Variants in CCDC192 observed in about 807,000 individuals in gnomAD.
CCDC192 encodes coiled-coil domain-containing protein 192.
chr5:127,711,950 A>T (rs1190411435), intron 2 of CCDC192, among the ~76,000 whole-genome samples: 1 of 152,090 alleles, frequency 6.6e-6, no homozygotes, highest in Non-Finnish European at 1.5e-5. Flanking sequence ...TTTTGATACC[A>T]TGTGAAGCTA....
chr5:127,923,197 C>T (rs1249682059), intron 6 of CCDC192, among the ~76,000 whole-genome samples: 1 of 152,182 alleles, frequency 6.6e-6, no homozygotes, highest in African/African-American at 2.4e-5. Context: ...GTAAATGATA[C>T]ACTATTATTG....
chr5:127,868,653 G>A (rs1236120763), intron 5 of CCDC192, among the ~76,000 whole-genome samples: 1 of 152,176 alleles, frequency 6.6e-6, no homozygotes, highest in African/African-American at 2.4e-5. Flanking sequence ...GGAGGCCAAG[G>A]CAGGCAGATC....
intron 6 of CCDC192, among the ~76,000 whole-genome samples, chr5:127,938,204 AG>A (rs1445529580): frequency 5.9e-5 from 9 of 152,176 alleles, no homozygotes; most frequent in African/African-American, 2.2e-4. Flanking sequence ...CGGATACAAA[AG>A]CCTGCTACCT....
intron 5 of CCDC192, among the ~76,000 whole-genome samples, chr5:127,875,063 G>A (rs751279563): frequency 6.6e-6 from 1 of 152,088 alleles, no homozygotes; most frequent in African/African-American, 2.4e-5. Context: ...AAACACCAGC[G>A]TTTGGTGGTC....
intron 3 of CCDC192, among the ~76,000 whole-genome samples, chr5:127,754,618 T>C (rs1304656283): frequency 6.6e-6 from 1 of 152,168 alleles, no homozygotes; most frequent in Non-Finnish European, 1.5e-5. Context: ...TTAAAACTTT[T>C]TTCATCTTTA....
chr5:127,784,485 G>T, intron 3 of CCDC192: 1 of 339,246 alleles, frequency 2.9e-6, no homozygotes. Flanking sequence ...GCTGATGGGA[G>T]TCTTGGTCTC....
At chr5:127,899,561 CAA>C (rs10537626) in intron 6 of CCDC192, among the ~76,000 whole-genome samples, 35,225 of 137,236 alleles carry the variant, frequency 0.26, 4,216 homozygotes, top group East Asian at 0.33. Context: ...CACACTGCAC[CAA>C]AAAAAAAAAA....
intron 6 of CCDC192, among the ~76,000 whole-genome samples, chr5:127,887,998 C>T (rs1752619776): frequency 6.6e-6 from 1 of 152,094 alleles, no homozygotes; most frequent in African/African-American, 2.4e-5. Context: ...CCAGCGCGCC[C>T]AACCTTATTT....
At chr5:127,737,743 G>A (rs1274683126) in intron 2 of CCDC192, among the ~76,000 whole-genome samples, 40 of 151,598 alleles carry the variant, frequency 2.6e-4, no homozygotes, top group African/African-American at 8.5e-4. Context: ...TCAGAGACTA[G>A]GTTTGCAACC....
At chr5:127,718,011 A>G (rs1260966483) in intron 2 of CCDC192, among the ~76,000 whole-genome samples, 5 of 151,968 alleles carry the variant, frequency 3.3e-5, no homozygotes, top group Non-Finnish European at 7.4e-5. Context: ...CATTATCTCC[A>G]GAAGTTCTCA....
chr5:127,738,513 T>C lies in CCDC192; in HGVS notation c.115-15755T>C, dbSNP rs531107941. Among the ~76,000 whole-genome samples, 193 of 144,224 alleles carry C rather than the reference T, an allele frequency of 1.3e-3. 1 individual carries two copies. The highest frequency in any genetic ancestry group is 4.9e-3 in the African/African-American group (185 of 38,012). 94.6% of individuals were successfully genotyped at this position (144,224 alleles called of 152,430 possible). The stretch of plus-strand genomic sequence containing the variant: ...ATTGGGGAAGTTCTCCTGGATAATA[T>C]CCTGCAGAGTGTTTTCCAACTTGGT... On this transcript the variant is annotated intron_variant, in intron 2 of 6. Coordinates refer to ENST00000514853, the MANE Select transcript of CCDC192 (RefSeq NM_001317938.2).
chr5:127,815,287 C>A (rs910452976), intron 5 of CCDC192, among the ~76,000 whole-genome samples: 13 of 152,124 alleles, frequency 8.5e-5, no homozygotes, highest in African/African-American at 2.9e-4. Flanking sequence ...GCAGAGCAAA[C>A]TAAATCTGAG....
At chr5:127,709,817 G>A (rs1262732885) in intron 2 of CCDC192, among the ~76,000 whole-genome samples, 2 of 152,120 alleles carry the variant, frequency 1.3e-5, no homozygotes, top group African/African-American at 4.8e-5. Flanking sequence ...GTCCCTCACT[G>A]GACCATATGA....
rs181599081 is a variant in CCDC192, at chr5:127,937,909, C to G, written c.536-3273C>G. On this transcript the variant is annotated intron_variant, in intron 6 of 6. Transcript: ENST00000514853. ...CGTTGAAAATAACTCATTCTAAAAG[C>G]AGAGGAAAAACTGAGGAGAGAAAAG... Among the ~76,000 whole-genome samples, 5 of 152,254 alleles carry G rather than the reference C, an allele frequency of 3.3e-5. No individual in the cohort carries two copies. The East Asian group carries it at 9.6e-4, about 29-fold the overall frequency.
intron 2 of CCDC192, among the ~76,000 whole-genome samples, chr5:127,743,370 C>T (rs1050693157): frequency 5.9e-5 from 9 of 152,198 alleles, no homozygotes; most frequent in Non-Finnish European, 1.0e-4. Context: ...ATCATCCCTT[C>T]GTTTAACTCT....
intron 6 of CCDC192, among the ~76,000 whole-genome samples, chr5:127,928,993 C>T (rs1415190462): frequency 1.3e-5 from 2 of 151,990 alleles, no homozygotes; most frequent in Non-Finnish European, 2.9e-5. Flanking sequence ...TCTTGAACTC[C>T]TGACCTCATG....
At chr5:127,704,318 AG>A (rs2126765324) in intron 1 of CCDC192, among the ~76,000 whole-genome samples, 1 of 152,224 alleles carries the variant, frequency 6.6e-6, no homozygotes, top group Admixed American at 6.5e-5. Flanking sequence ...CCTCCTGAGT[AG>A]CTGGGATTAC....
Position 127,871,654 on chromosome 5 carries a change from T to A in CCDC192, c.412-3884T>A, listed in dbSNP as rs146827272. On this transcript the variant is annotated intron_variant, in intron 5 of 6. Coordinates refer to ENST00000514853, the MANE Select transcript of CCDC192 (RefSeq NM_001317938.2). ...TGGGTAATTGCCACGGTTTAAAGTATGTGGAAATACCCAGAAATTTTAAAC... is the reference window on the plus strand; with the variant it reads ...TGGGTAATTGCCACGGTTTAAAGTAAGTGGAAATACCCAGAAATTTTAAAC... 4.5e-3 allele frequency among the ~76,000 whole-genome samples: 680 copies of A among 152,270 alleles called. 2 individuals carry two copies. The highest frequency in any genetic ancestry group is 7.4e-3 in the Non-Finnish European group (500 of 68,018).
At chr5:127,803,013 CAGAG>C (rs1757588199) in intron 5 of CCDC192, among the ~76,000 whole-genome samples, 2 of 152,112 alleles carry the variant, frequency 1.3e-5, no homozygotes, top group South Asian at 4.2e-4. Context: ...AAAAAAATAG[CAGAG>C]AAAGAAAACA....
Sources: gnomAD v4.1 joint callset for allele counts (sites outside exome capture counted in the v4.1 genomes callset) on GRCh38, gnomAD v4.1.1 for gene constraint, MANE v1.5 for transcripts, NCBI Gene and HGNC (gene_info 2026-07-23, HGNC 2026-07-21) for gene names.